FBRSL1: variants seen among roughly 807,000 people sequenced by gnomAD.
FBRSL1 encodes fibrosin-1-like protein.
In FBRSL1, 51 loss-of-function variants were observed where a neutral mutation model predicts 89.6. The observed-to-expected ratio is 0.57, with a 90% confidence interval of 0.45 to 0.72. FBRSL1 has a LOEUF of 0.72. Ranked by LOEUF, FBRSL1 falls within the 30% of genes least tolerant of loss-of-function variation. FBRSL1 has a pLI of 0.00. For synonymous variants in FBRSL1, 779 were observed against 681.1 expected (o/e 1.14, Z -2.24); for missense variants, 1,618 against 1,451.8 (o/e 1.11, Z -1.86).
At chr12:132,540,909 C>G (rs897020607) in intron 4 of FBRSL1, among the ~76,000 whole-genome samples, 4 of 152,212 alleles carry the variant, frequency 2.6e-5, no homozygotes, top group Admixed American at 1.3e-4. Flanking sequence ...AGTTATTTCC[C>G]TCTGAACCTC....
chr12:132,568,233 G>A (rs564623801), intron 6 of FBRSL1, among the ~76,000 whole-genome samples: 14 of 152,288 alleles, frequency 9.2e-5, no homozygotes, highest in African/African-American at 3.1e-4. Context: ...ACGGGGTCTC[G>A]GCTCCTGCCT....
At chr12:132,530,578 C>T (rs1271571936) in intron 4 of FBRSL1, among the ~76,000 whole-genome samples, 1 of 152,068 alleles carries the variant, frequency 6.6e-6, no homozygotes, top group Non-Finnish European at 1.5e-5. Context: ...TGCCCTTCTG[C>T]TTCTGGGTCT....
At chr12:132,502,041 G>A (rs1227624319) in intron 1 of FBRSL1, among the ~76,000 whole-genome samples, 1 of 152,226 alleles carries the variant, frequency 6.6e-6, no homozygotes, top group African/African-American at 2.4e-5. Context: ...GAGAGTGCAT[G>A]GACGGGACAT....
chr12:132,581,925 C>T (rs1016464851), intron 17 of FBRSL1, 101 bp downstream of exon 17: 1 of 1,339,380 alleles, frequency 7.5e-7, no homozygotes, highest in Admixed American at 2.3e-5. Context: ...CCTCCCTCCT[C>T]TCTGGGCTGG....
chr12:132,512,337 G>A (rs2034439511), intron 2 of FBRSL1, among the ~76,000 whole-genome samples: 1 of 152,264 alleles, frequency 6.6e-6, no homozygotes, highest in Non-Finnish European at 1.5e-5. Flanking sequence ...AGGGAGCATG[G>A]TTCAGCCCAG....
chr12:132,501,612 C>G lies in FBRSL1; in HGVS notation c.292-6541C>G, dbSNP rs1040904138. Among the ~76,000 whole-genome samples, 3 of 152,208 alleles carry G rather than the reference C, an allele frequency of 2.0e-5. No homozygotes were observed. In the East Asian group the frequency reaches 5.8e-4, roughly 29 times the overall value. On this transcript the variant is annotated intron_variant, in intron 1 of 18. Transcript: ENST00000680143. ...ATGAAGCCTGAGCCTGCCTTCCGCT[C>G]GGGGCCCAAGGCCTTGGACAGGAGT...
At chr12:132,517,346 T>C (rs1275938947) in intron 2 of FBRSL1, among the ~76,000 whole-genome samples, 1 of 152,244 alleles carries the variant, frequency 6.6e-6, no homozygotes, top group Non-Finnish European at 1.5e-5. Context: ...TAGCAGGCAC[T>C]GCTCCCCACA....
chr12:132,493,813 G>T (rs1019968782), intron 1 of FBRSL1, among the ~76,000 whole-genome samples: 2 of 152,212 alleles, frequency 1.3e-5, no homozygotes, highest in African/African-American at 2.4e-5. Flanking sequence ...AGGAGTCCCC[G>T]CTTGTCCTGG....
chr12:132,533,229 A>T (rs1399691043), intron 4 of FBRSL1, among the ~76,000 whole-genome samples: 2 of 123,822 alleles, frequency 1.6e-5, no homozygotes, highest in African/African-American at 3.2e-5. Flanking sequence ...CGACCCAGCC[A>T]CAGTCTCCTC....
intron 4 of FBRSL1, among the ~76,000 whole-genome samples, chr12:132,542,069 C>G (rs2037312535): frequency 6.6e-6 from 1 of 152,242 alleles, no homozygotes; most frequent in Non-Finnish European, 1.5e-5. Context: ...CCTGAGGCAC[C>G]CACATGCCAC....
chr12:132,583,430 C>T lies in FBRSL1; in HGVS notation c.2661C>T (p.Asp887=). The T allele has an allele frequency of 1.4e-5, 15 of 1,073,724 alleles. No homozygotes were observed. The highest frequency in any genetic ancestry group is 1.6e-5 in the Non-Finnish European group (14 of 885,126). 66.5% of individuals were successfully genotyped at this position (1,073,724 alleles called of 1,614,324 possible). The stretch of plus-strand genomic sequence containing the variant: ...AGCCCCCGGAGCGCCCCTACCGCGA[C>T]CGCGAGCCCCACGGCTACAGCCCCG... ...LLEPPERPYR[D]REPHGYSPER... Residue 887 remains aspartate (D), a synonymous_variant, in exon 19 of 19, where the codon GAC becomes GAT. Coordinates refer to ENST00000680143, the MANE Select transcript of FBRSL1 (RefSeq NM_001367871.1).
chr12:132,577,838 C>T (rs2040475699), intron 15 of FBRSL1, among the ~76,000 whole-genome samples: 1 of 152,268 alleles, frequency 6.6e-6, no homozygotes, highest in Admixed American at 6.5e-5. Flanking sequence ...GGCTGAGGGC[C>T]AGCTGTGTGC....
intron 4 of FBRSL1, among the ~76,000 whole-genome samples, chr12:132,542,303 A>G (rs545851980): frequency 9.2e-5 from 14 of 152,358 alleles, no homozygotes; most frequent in African/African-American, 3.1e-4. Context: ...ACACATGCTC[A>G]GCCAGGGTGG....
Position 132,509,705 on chromosome 12 carries a change from G to A in FBRSL1, c.489+1355G>A. The A allele has an allele frequency of 2.4e-6, 3 of 1,231,482 alleles. 1 individual carries two copies. The highest frequency in any genetic ancestry group is 8.2e-5 in the South Asian group (2 of 24,330). The allele number at this position is 1,231,482 out of a possible 1,614,324, so 76.3% of individuals were successfully genotyped here. A position where few individuals can be genotyped will look rare whatever the true frequency, so the allele number is the denominator to read the frequency against. ...GGCGCCTGCGGTCCCTGCTGACCCT[G>A]TGGCACCGCTGCCGACCCCTGCGGC... is the stretch of plus-strand genomic sequence containing the variant. On this transcript the variant is annotated intron_variant, in intron 2 of 18. Transcript: ENST00000680143.
intron 4 of FBRSL1, among the ~76,000 whole-genome samples, chr12:132,544,465 A>C (rs2037515769): frequency 6.6e-6 from 1 of 152,212 alleles, no homozygotes; most frequent in Admixed American, 6.5e-5. Flanking sequence ...AAGAGACTCT[A>C]AAACTCCCAG....
At chr12:132,576,099 C>T (rs1423256217) in intron 14 of FBRSL1, among the ~76,000 whole-genome samples, 2 of 152,184 alleles carry the variant, frequency 1.3e-5, no homozygotes, top group South Asian at 2.1e-4. Flanking sequence ...TAATTTTTAA[C>T]ACATTTAACT....
intron 2 of FBRSL1, chr12:132,509,389 C>G: frequency 8.1e-7 from 1 of 1,241,772 alleles, no homozygotes; most frequent in East Asian, 3.2e-5. Context: ...CTGAAACAGC[C>G]CTGCCAGCCC....
chr12:132,564,905 A>G (rs994582939), intron 5 of FBRSL1, among the ~76,000 whole-genome samples: 3 of 149,476 alleles, frequency 2.0e-5, no homozygotes, highest in Non-Finnish European at 4.4e-5. Context: ...CTGGGATTTC[A>G]GGCGTGAGCC....
At chr12:132,580,726 A>T (rs992562777) in intron 15 of FBRSL1, 1 of 969,562 alleles carries the variant, frequency 1.0e-6, no homozygotes, top group Non-Finnish European at 1.2e-6. Flanking sequence ...CCCATCTTTG[A>T]GGTCCCTAAG....
Sources: gnomAD v4.1 joint callset for allele counts (sites outside exome capture counted in the v4.1 genomes callset) on GRCh38, gnomAD v4.1.1 for gene constraint, MANE v1.5 for transcripts, NCBI Gene and HGNC (gene_info 2026-07-23, HGNC 2026-07-21) for gene names.